The following EDA variants were observed in gnomAD, a reference collection of about 807,000 sequenced individuals.
EDA encodes ectodysplasin A.
A neutral mutation model predicts 23.6 loss-of-function variants in EDA; 2 were observed. That is an observed-to-expected ratio of 0.08 (90% CI 0.03 to 0.27). EDA has a LOEUF of 0.27. EDA is among the 10% of genes least tolerant of loss of function. The pLI is 1.00. For missense variants in EDA, 229 were observed against 324.2 expected (o/e 0.71, Z 2.26); for synonymous variants, 131 against 132.0 (o/e 0.99, Z 0.05).
At chrX:69,737,550 C>G (rs781517746) in intron 1 of EDA, among the ~76,000 whole-genome samples, 6 of 112,128 alleles carry the variant, frequency 5.4e-5, no homozygotes, top group African/African-American at 1.3e-4. Context: ...ACACATTTTA[C>G]TTTTACATAT....
chrX:69,772,087 G>A (rs1193380895), intron 1 of EDA, among the ~76,000 whole-genome samples: 2 of 111,141 alleles, frequency 1.8e-5, no homozygotes, highest in South Asian at 3.8e-4. Context: ...TGAGTAGCTG[G>A]GACTATAGGC....
intron 1 of EDA, among the ~76,000 whole-genome samples, chrX:69,666,129 CT>C (rs1282419870): frequency 1.8e-5 from 2 of 111,704 alleles, no homozygotes; most frequent in South Asian, 3.7e-4. Flanking sequence ...AAAAATGTTA[CT>C]TTTTTTGTAT....
At chrX:69,677,747 G>C (rs1934159499) in intron 1 of EDA, among the ~76,000 whole-genome samples, 1 of 111,738 alleles carries the variant, frequency 8.9e-6, no homozygotes, top group South Asian at 3.7e-4. Flanking sequence ...TGAGTAGGTT[G>C]TGAAAATTTT....
chrX:69,988,348 G>A (rs182938374), intron 2 of EDA, among the ~76,000 whole-genome samples: 80 of 111,027 alleles, frequency 7.2e-4, no homozygotes, highest in African/African-American at 2.4e-3. Context: ...TACAACAGAG[G>A]GACTATAGTC....
intron 2 of EDA, among the ~76,000 whole-genome samples, chrX:69,978,498 G>A: frequency 1.7e-5 from 1 of 59,845 alleles, no homozygotes; most frequent in East Asian, 1.1e-3. Flanking sequence ...GCCAGAATCT[G>A]TCTCAAAAAA....
At chrX:69,789,228 T>C (rs183054673) in intron 1 of EDA, among the ~76,000 whole-genome samples, 18 of 111,786 alleles carry the variant, frequency 1.6e-4, no homozygotes, top group African/African-American at 5.5e-4. Flanking sequence ...GTACCTCAGA[T>C]GGAAATGCAG....
At chrX:69,823,725 G>T (rs533634309) in intron 1 of EDA, among the ~76,000 whole-genome samples, 11 of 94,990 alleles carry the variant, frequency 1.2e-4, no homozygotes, top group East Asian at 1.2e-3. Flanking sequence ...GTCAATTTTG[G>T]CTTTTGTTGT....
intron 1 of EDA, among the ~76,000 whole-genome samples, chrX:69,620,241 A>G (rs923725431): frequency 3.6e-5 from 4 of 112,457 alleles, no homozygotes; most frequent in Non-Finnish European, 7.5e-5. Context: ...GAGGAGGCAA[A>G]TAAAGGTAGT....
intron 1 of EDA, among the ~76,000 whole-genome samples, chrX:69,618,138 G>A (rs1269826035): frequency 1.8e-5 from 2 of 111,836 alleles, no homozygotes; most frequent in Non-Finnish European, 3.8e-5. Context: ...CCAATGCCCA[G>A]CAGAAGTATT....
chrX:69,858,654 G>A (rs146454867), intron 1 of EDA, among the ~76,000 whole-genome samples: 156 of 111,787 alleles, frequency 1.4e-3, no homozygotes, highest in African/African-American at 4.9e-3. Context: ...GAGGATTTCT[G>A]CATCAATGTT....
At chrX:69,908,733 G>A (rs1232282061) in intron 1 of EDA, among the ~76,000 whole-genome samples, 2 of 109,825 alleles carry the variant, frequency 1.8e-5, no homozygotes, top group African/African-American at 3.3e-5. Flanking sequence ...AATGGTATAT[G>A]TAGGAGAAAT....
intron 1 of EDA, among the ~76,000 whole-genome samples, chrX:69,721,146 T>C (rs1013352839): frequency 1.8e-5 from 2 of 111,656 alleles, no homozygotes; most frequent in African/African-American, 6.5e-5. Flanking sequence ...CTGCTCCTGC[T>C]GGTGGTGCTT....
intron 2 of EDA, among the ~76,000 whole-genome samples, chrX:69,989,352 A>AT (rs1463046633): frequency 2.7e-5 from 3 of 111,867 alleles, no homozygotes; most frequent in Non-Finnish European, 1.9e-5. Flanking sequence ...TGCCAGGGTC[A>AT]TGTCAGCAGG....
chrX:69,816,396 C>T (rs1041192924), intron 1 of EDA, among the ~76,000 whole-genome samples: 7 of 111,158 alleles, frequency 6.3e-5, no homozygotes, highest in African/African-American at 2.0e-4. Flanking sequence ...TAATGAACTT[C>T]GCTGAGCTAA....
chrX:69,975,320 T>C (rs1471012884), intron 2 of EDA, among the ~76,000 whole-genome samples: 1 of 111,582 alleles, frequency 9.0e-6, no homozygotes, highest in Non-Finnish European at 1.9e-5. Flanking sequence ...TACAGGTACA[T>C]GGATACAGCT....
chrX:69,844,706 A>G (rs1257343714), intron 1 of EDA, among the ~76,000 whole-genome samples: 1 of 112,417 alleles, frequency 8.9e-6, no homozygotes, highest in Admixed American at 9.4e-5. Context: ...TTTGTTTAGA[A>G]CACTCCACAT....
intron 1 of EDA, among the ~76,000 whole-genome samples, chrX:69,881,952 C>T (rs769021814): frequency 1.8e-5 from 2 of 110,789 alleles, no homozygotes; most frequent in African/African-American, 6.6e-5. Flanking sequence ...CATCAAGCCA[C>T]TCATAAGGGA....
At chrX:69,826,734 C>A (rs1009025281) in intron 1 of EDA, among the ~76,000 whole-genome samples, 1 of 108,842 alleles carries the variant, frequency 9.2e-6, no homozygotes, top group African/African-American at 3.4e-5. Context: ...GAATTTGATC[C>A]TGTCATTATG....
chrX:69,910,653 G>A (rs2018252757), intron 1 of EDA, among the ~76,000 whole-genome samples: 1 of 109,887 alleles, frequency 9.1e-6, no homozygotes, highest in Non-Finnish European at 1.9e-5. Flanking sequence ...CCTTCCTATT[G>A]TCTAAGTTGG....
Sources: gnomAD v4.1 joint callset for allele counts (sites outside exome capture counted in the v4.1 genomes callset) on GRCh38, gnomAD v4.1.1 for gene constraint, MANE v1.5 for transcripts, NCBI Gene and HGNC (gene_info 2026-07-23, HGNC 2026-07-21) for gene names.